CTNNA2: variants seen among roughly 807,000 people sequenced by gnomAD.
CTNNA2 encodes catenin alpha-2.
CTNNA2 carries 42 observed loss-of-function variants against 101.0 expected under a neutral mutation model. The observed-to-expected ratio is 0.42, with a 90% CI of 0.32 to 0.54. The LOEUF is 0.54. Among genes scored for constraint, CTNNA2 ranks in the 20% least tolerant of loss-of-function variants. The pLI, the probability that CTNNA2 is intolerant of heterozygous loss-of-function variation, is 0.14. For missense variants in CTNNA2, 871 were observed against 1,223.1 expected (o/e 0.71, Z 4.29); for synonymous variants, 450 against 456.4 (o/e 0.99, Z 0.18).
intron 9 of CTNNA2, among the ~76,000 whole-genome samples, chr2:80,449,974 G>C (rs1362232374): frequency 6.6e-6 from 1 of 152,154 alleles, no homozygotes; most frequent in Non-Finnish European, 1.5e-5. Flanking sequence ...TGAATTTCCT[G>C]GAAAATTTGA....
chr2:80,488,180 A>G (rs1337174505), intron 9 of CTNNA2, among the ~76,000 whole-genome samples: 3 of 152,236 alleles, frequency 2.0e-5, no homozygotes, highest in South Asian at 4.1e-4. Flanking sequence ...AAATGAGCCA[A>G]CAGAAGATGG....
intron 1 of CTNNA2, among the ~76,000 whole-genome samples, chr2:79,553,130 A>G (rs1349028212): frequency 6.6e-6 from 1 of 152,152 alleles, no homozygotes; most frequent in African/African-American, 2.4e-5. Context: ...CCTTGAATAT[A>G]AGCTCTTGAA....
chr2:79,667,343 T>G (rs534169544), intron 2 of CTNNA2, among the ~76,000 whole-genome samples: 8 of 152,190 alleles, frequency 5.3e-5, no homozygotes, highest in African/African-American at 7.2e-5. Flanking sequence ...TGGTTGGTTG[T>G]TTGGTTTTCT....
chr2:80,629,075 G>GC (rs2149825176), intron 18 of CTNNA2, among the ~76,000 whole-genome samples: 1 of 152,218 alleles, frequency 6.6e-6, no homozygotes, highest in South Asian at 2.1e-4. Flanking sequence ...CATACATTGA[G>GC]CACAGGGTCC....
At chr2:79,534,811 C>T (rs758785532) in intron 1 of CTNNA2, among the ~76,000 whole-genome samples, 22 of 151,682 alleles carry the variant, frequency 1.5e-4, no homozygotes, top group Admixed American at 7.2e-4. Flanking sequence ...ATTGGCTTCC[C>T]TTTCAAATAT....
intron 13 of CTNNA2, among the ~76,000 whole-genome samples, chr2:80,574,577 T>G (rs17019363): frequency 0.035 from 5,269 of 152,244 alleles, 320 homozygotes; most frequent in African/African-American, 0.12. Context: ...ATACAACCTT[T>G]AGGCATACCC....
At position 79,945,043 on chromosome 2, in the gene CTNNA2, T is replaced by C. The variant is rs189689452; in HGVS notation, c.1056+35246T>C. ...ATTGTTTGGTTGTTGTTTTTTGTTT[T>C]GTTTTGTTTTGTCTTTTGAGACAGG... On this transcript the variant is annotated intron_variant, in intron 7 of 18. Transcript: ENST00000402739. Among the ~76,000 whole-genome samples, 267 of 152,314 alleles carry C rather than the reference T, an allele frequency of 1.8e-3. 2 individuals are homozygous for C. The highest frequency in any genetic ancestry group is 5.9e-3 in the African/African-American group (245 of 41,568).
At chr2:79,955,103 T>C (rs888037132) in intron 7 of CTNNA2, among the ~76,000 whole-genome samples, 8 of 152,204 alleles carry the variant, frequency 5.3e-5, no homozygotes, top group Admixed American at 5.2e-4. Flanking sequence ...AAAGCACATA[T>C]TTTCATATTT....
At chr2:80,160,276 T>C (rs1704229813) in intron 7 of CTNNA2, among the ~76,000 whole-genome samples, 1 of 152,244 alleles carries the variant, frequency 6.6e-6, no homozygotes, top group Non-Finnish European at 1.5e-5. Flanking sequence ...TTCGTTTCAG[T>C]ATCCTAGTTC....
chr2:80,075,797 A>G (rs1456000066), intron 7 of CTNNA2, among the ~76,000 whole-genome samples: 1 of 144,492 alleles, frequency 6.9e-6, no homozygotes, highest in Non-Finnish European at 1.5e-5. Context: ...TTATACATGT[A>G]TAAATATTAT....
chr2:79,783,214 A>G lies in CTNNA2; in HGVS notation c.298+38632A>G, dbSNP rs144263604. 1.4e-3 allele frequency among the ~76,000 whole-genome samples: 212 copies of G among 152,300 alleles called. 1 individual carries two copies. Among genetic ancestry groups the G allele is most frequent in the African/African-American group, 4.7e-3 (197 of 41,564 alleles). On this transcript the variant is annotated intron_variant, in intron 3 of 18. Transcript: ENST00000402739. Reference sequence around the variant, plus strand: ...CTGCCAGAGGCTGGAAACTGTGCCAATGGTGGCCAGGGACAGAATCAGAGT... The same window carrying G: ...CTGCCAGAGGCTGGAAACTGTGCCAGTGGTGGCCAGGGACAGAATCAGAGT...
chr2:80,128,770 C>T lies in CTNNA2; in HGVS notation c.1056+218973C>T, dbSNP rs149897372. On this transcript the variant is annotated intron_variant, in intron 7 of 18. Coordinates refer to ENST00000402739, the MANE Select transcript of CTNNA2 (RefSeq NM_001282597.3). ...TGTTCCATCTATATGACCCCGGAAA[C>T]GATTCCAAAATTACTGATCCATGGG... 1.9e-3 allele frequency among the ~76,000 whole-genome samples: 284 copies of T among 152,168 alleles called. 4 individuals are homozygous for T. In the East Asian group the frequency reaches 0.023, roughly 12 times the overall value.
At chr2:80,595,178 A>G (rs1452092336) in intron 15 of CTNNA2, among the ~76,000 whole-genome samples, 1 of 152,148 alleles carries the variant, frequency 6.6e-6, no homozygotes, top group Non-Finnish European at 1.5e-5. Context: ...AATATTTTGT[A>G]GTTTTCAGCA....
rs188482584 is a variant in CTNNA2 at position 79,889,796 on chromosome 2, C to T, written c.852+15454C>T. ...AAAAACCCTGGGAAAAAGCTCCTGA[C>T]TGAAAAGTTGTTATGCCACTGGAGA... On this transcript the variant is annotated intron_variant, in intron 6 of 18. Coordinates refer to ENST00000402739, the MANE Select transcript of CTNNA2 (RefSeq NM_001282597.3). Among the ~76,000 whole-genome samples the T allele has an allele frequency of 3.3e-3, 495 of 152,296 alleles. 2 individuals are homozygous for T. Among genetic ancestry groups the T allele is most frequent in the African/African-American group, 0.011 (468 of 41,556 alleles).
At chr2:80,572,519 A>G (rs917374981) in intron 12 of CTNNA2, among the ~76,000 whole-genome samples, 40 of 152,204 alleles carry the variant, frequency 2.6e-4, no homozygotes, top group Non-Finnish European at 4.7e-4. Flanking sequence ...GTGGAGTGGC[A>G]TTAATATAAC....
At chr2:79,871,177 A>G (rs1050981104) in intron 5 of CTNNA2, among the ~76,000 whole-genome samples, 2 of 152,206 alleles carry the variant, frequency 1.3e-5, no homozygotes, top group Non-Finnish European at 2.9e-5. Context: ...CTCTCTGACC[A>G]ACAGGAAAGT....
chr2:80,423,597 C>A (rs1680724948), intron 9 of CTNNA2, among the ~76,000 whole-genome samples: 1 of 152,038 alleles, frequency 6.6e-6, no homozygotes, highest in South Asian at 2.1e-4. Context: ...TTTGGGGCGG[C>A]TCCACAGATG....
rs10691338 is a variant in CTNNA2 at position 79,308,782 on chromosome 2, G to GTT, written c.-405-3914_-405-3913dup. Among the ~76,000 whole-genome samples the GTT allele has an allele frequency of 2.1e-3, 290 of 136,358 alleles. 1 individual carries two copies. Among genetic ancestry groups the GTT allele is most frequent in the Non-Finnish European group, 3.5e-3 (221 of 62,606 alleles). 89.5% of individuals were successfully genotyped at this position (136,358 alleles called of 152,430 possible). A position where few individuals can be genotyped will look rare whatever the true frequency, so the allele number is the denominator to read the frequency against. On this transcript the variant is annotated intron_variant, in intron 2 of 21. Coordinates refer to the CTNNA2 transcript ENST00000466387. ...AATCCACTAAATGTTTCATTTTATG[G>GTT]TTTTTTTTTTTTTTGCTCTTGAGGT...
At chr2:79,362,211 C>A (rs755590310) in intron 3 of CTNNA2, among the ~76,000 whole-genome samples, 1 of 152,172 alleles carries the variant, frequency 6.6e-6, no homozygotes, top group African/African-American at 2.4e-5. Context: ...CTAGTCCTGG[C>A]AAACACTTTC....
Sources: gnomAD v4.1 joint callset for allele counts (sites outside exome capture counted in the v4.1 genomes callset) on GRCh38, gnomAD v4.1.1 for gene constraint, MANE v1.5 for transcripts, NCBI Gene and HGNC (gene_info 2026-07-23, HGNC 2026-07-21) for gene names.